Variants in FSTL4 observed in about 807,000 individuals in gnomAD.
The protein encoded by FSTL4 is follistatin like 4.
FSTL4 carries 28 observed loss-of-function variants against 78.2 expected under a neutral mutation model. The ratio of observed to expected loss-of-function variants is 0.36; its 90% confidence interval spans 0.27 to 0.49. The LOEUF is 0.49. Ranked by LOEUF, FSTL4 falls within the 20% of genes least tolerant of loss-of-function variation. The pLI is 0.98. For missense variants in FSTL4, 922 were observed against 1,084.9 expected, an observed-to-expected ratio of 0.85 and a Z score of 2.11; for synonymous variants, 422 against 440.5, an observed-to-expected ratio of 0.96 and a Z score of 0.53.
intron 3 of FSTL4, among the ~76,000 whole-genome samples, chr5:133,498,355 G>A (rs574520756): frequency 1.3e-5 from 2 of 152,282 alleles, no homozygotes; most frequent in African/African-American, 4.8e-5. Flanking sequence ...TAGAAGCCAG[G>A]ATTATTATTA....
chr5:133,516,997 G>GCC (rs1758865313), intron 3 of FSTL4, among the ~76,000 whole-genome samples: 1 of 151,834 alleles, frequency 6.6e-6, no homozygotes, highest in Non-Finnish European at 1.5e-5. Flanking sequence ...AGGATCTTTG[G>GCC]TCCCAGGAAT....
chr5:133,589,917 CT>C (rs1456368372), intron 2 of FSTL4, among the ~76,000 whole-genome samples: 1 of 152,164 alleles, frequency 6.6e-6, no homozygotes, highest in East Asian at 1.9e-4. Flanking sequence ...GCCTCAATTT[CT>C]ACATGTGTAA....
intron 3 of FSTL4, among the ~76,000 whole-genome samples, chr5:133,410,896 G>A (rs989159535): frequency 6.6e-6 from 1 of 152,056 alleles, no homozygotes. Flanking sequence ...TAACAATATC[G>A]GACAATCTGA....
At chr5:133,260,172 C>G (rs1752485028) in intron 6 of FSTL4, among the ~76,000 whole-genome samples, 1 of 152,192 alleles carries the variant, frequency 6.6e-6, no homozygotes, top group African/African-American at 2.4e-5. Flanking sequence ...GCGGGCCGCT[C>G]GAGCAGCCGA....
intron 6 of FSTL4, among the ~76,000 whole-genome samples, chr5:133,285,221 A>T (rs778577803): frequency 7.9e-5 from 12 of 152,248 alleles, no homozygotes; most frequent in Non-Finnish European, 1.5e-4. Flanking sequence ...GAAAGAAGAG[A>T]GAGAAGTCAA....
intron 3 of FSTL4, among the ~76,000 whole-genome samples, chr5:133,539,949 G>GTTTTT (rs10623473): frequency 6.8e-6 from 1 of 147,188 alleles, no homozygotes. Flanking sequence ...TTCTGTGAAG[G>GTTTTT]TTTTTTTTTT....
intron 2 of FSTL4, among the ~76,000 whole-genome samples, chr5:133,594,995 G>A (rs1191038574): frequency 6.6e-6 from 1 of 152,174 alleles, no homozygotes; most frequent in Non-Finnish European, 1.5e-5. Context: ...CTACCCCGGA[G>A]CCACAGACTA....
the FSTL4 span, among the ~76,000 whole-genome samples, chr5:133,786,966 A>G: frequency 1.3e-5 from 2 of 152,142 alleles, no homozygotes; most frequent in African/African-American, 4.8e-5. Flanking sequence ...GAGTTCCGGT[A>G]GTTAGTACAT....
intron 6 of FSTL4, among the ~76,000 whole-genome samples, chr5:133,280,945 C>T (rs1235982937): frequency 6.6e-6 from 1 of 152,214 alleles, no homozygotes; most frequent in South Asian, 2.1e-4. Flanking sequence ...TAGACTGCCG[C>T]TGTTTTCCTA....
At position 133,225,818 on chromosome 5, in the gene FSTL4, C is replaced by A; in HGVS notation, c.1017G>T (p.Val339=). ...CTGGATAGACACGGATGACTGGCGGCACTGTGGGTGAGAGTCAGTGCTGGT... is the reference window on the plus strand; with the variant it reads ...CTGGATAGACACGGATGACTGGCGGAACTGTGGGTGAGAGTCAGTGCTGGT... ...LFQTHVLQVN[V]PPVIRVYPES... The change falls in exon 9 of 16, where the codon GTG becomes GTT. Residue 339 remains valine, a splice_region_variant and synonymous_variant. Transcript: ENST00000265342. The surrounding 1 kb of genome is among the most constrained non-coding windows in gnomAD (Gnocchi z 4.6). The A allele has an allele frequency of 6.4e-7, 1 of 1,572,516 alleles. No individual in the cohort carries two copies.
intron 3 of FSTL4, among the ~76,000 whole-genome samples, chr5:133,408,785 C>T (rs182248847): frequency 2.6e-5 from 4 of 152,264 alleles, no homozygotes; most frequent in South Asian, 2.1e-4. Context: ...ATGGTCCTTA[C>T]GGGATTGCCC....
intron 2 of FSTL4, among the ~76,000 whole-genome samples, chr5:133,582,187 T>A (rs917435714): frequency 1.3e-5 from 2 of 151,358 alleles, no homozygotes; most frequent in East Asian, 3.9e-4. Context: ...GTGGGAAGAG[T>A]AGGCTCAAGC....
At chr5:133,483,795 G>A (rs1179730467) in intron 3 of FSTL4, among the ~76,000 whole-genome samples, 1 of 152,168 alleles carries the variant, frequency 6.6e-6, no homozygotes, top group African/African-American at 2.4e-5. Context: ...ATCCTTTCCT[G>A]CTGCCAGTTC....
At chr5:133,644,392 T>C in the FSTL4 span, among the ~76,000 whole-genome samples, 5 of 152,178 alleles carry the variant, frequency 3.3e-5, no homozygotes, top group Non-Finnish European at 7.4e-5. Context: ...CTTGCTGAGA[T>C]TCCTCTGCCT....
At chr5:133,528,331 T>C (rs1209170247) in intron 3 of FSTL4, among the ~76,000 whole-genome samples, 3 of 152,192 alleles carry the variant, frequency 2.0e-5, no homozygotes, top group East Asian at 1.9e-4. Flanking sequence ...TTTTTGTTCC[T>C]AACTCAAGCC....
the FSTL4 span, among the ~76,000 whole-genome samples, chr5:133,837,888 T>TAC: frequency 2.8e-5 from 4 of 145,100 alleles, no homozygotes; most frequent in African/African-American, 1.1e-4. Flanking sequence ...ATTTTTATTT[T>TAC]ATATATATAT....
the FSTL4 span, among the ~76,000 whole-genome samples, chr5:133,776,696 T>C: frequency 6.6e-6 from 1 of 152,194 alleles, no homozygotes; most frequent in Non-Finnish European, 1.5e-5. Context: ...ACCGAGTACT[T>C]ACCTCCAGAA....
intron 2 of FSTL4, among the ~76,000 whole-genome samples, chr5:133,571,100 C>T (rs781251389): frequency 1.4e-5 from 2 of 144,962 alleles, no homozygotes; most frequent in Non-Finnish European, 3.0e-5. Flanking sequence ...TAGCCTTGAA[C>T]AAGAAAAAAA....
At position 133,227,615 on chromosome 5, in the gene FSTL4, G is replaced by A. The variant is rs534073846; in HGVS notation, c.1016-1796C>T. On this transcript the variant is annotated intron_variant, in intron 8 of 15. Coordinates refer to ENST00000265342, the MANE Select transcript of FSTL4 (RefSeq NM_015082.2). ...TAGAATAGGAATGGCCAGGACCTGG[G>A]GTTAATAAGCTTGGGTTCTTACTAG... Among the ~76,000 whole-genome samples, 4 of 152,136 alleles carry A rather than the reference G, an allele frequency of 2.6e-5. No homozygotes were observed. In the South Asian group the frequency reaches 8.3e-4, roughly 32 times the overall value.
Sources: allele counts gnomAD v4.1 joint callset (sites outside exome capture counted in the v4.1 genomes callset), GRCh38; gene constraint gnomAD v4.1.1; non-coding constraint Gnocchi (gnomAD v3.1); transcripts MANE v1.5; gene names NCBI Gene and HGNC (gene_info 2026-07-23, HGNC 2026-07-21).